METTL25: variants seen among roughly 807,000 people sequenced by gnomAD.
METTL25 encodes the protein probable methyltransferase-like protein 25.
Under a neutral mutation model 71.6 loss-of-function variants are expected in METTL25, and 64 were observed. That is an observed-to-expected ratio of 0.89 (90% CI 0.73 to 1.10). METTL25 has a LOEUF of 1.10. METTL25 is among the 50% of genes least tolerant of loss of function. The pLI is 0.00. For synonymous variants in METTL25, 287 were observed against 250.3 expected, an observed-to-expected ratio of 1.15 and a Z score of -1.38; for missense variants, 807 against 707.0, an observed-to-expected ratio of 1.14 and a Z score of -1.60.
chr12:82,423,088 A>G (rs1888670250), intron 5 of METTL25, among the ~76,000 whole-genome samples: 2 of 152,176 alleles, frequency 1.3e-5, no homozygotes. Context: ...TGCCAAGTCA[A>G]TCCTAAGCCA....
intron 1 of METTL25, among the ~76,000 whole-genome samples, chr12:82,362,475 G>A (rs1185351657): frequency 2.0e-5 from 3 of 152,170 alleles, no homozygotes; most frequent in Non-Finnish European, 2.9e-5. Flanking sequence ...TATCTTTCAC[G>A]TGAAGTGAAC....
intron 1 of METTL25, among the ~76,000 whole-genome samples, chr12:82,372,598 G>A (rs1385053271): frequency 6.6e-6 from 1 of 152,144 alleles, no homozygotes; most frequent in Non-Finnish European, 1.5e-5. Context: ...GCCCTCAGGT[G>A]GCCATTTTTC....
At chr12:82,415,374 T>A (rs961306174) in intron 5 of METTL25, among the ~76,000 whole-genome samples, 1 of 152,054 alleles carries the variant, frequency 6.6e-6, no homozygotes, top group African/African-American at 2.4e-5. Flanking sequence ...ATAAAGGAAT[T>A]AGCAGTGGAG....
chr12:82,358,810 C>G lies in METTL25; in HGVS notation c.245C>G (p.Ala82Gly). The G allele has an allele frequency of 6.2e-7, 1 of 1,611,888 alleles. No individual in the cohort carries two copies. The highest frequency in any genetic ancestry group is 2.2e-5 in the East Asian group (1 of 44,830). Reference sequence around the variant, plus strand: ...TCAGAGACGCGCCCCCTAGTGGAAGCAGAGTGGGAAGCAGGTGGGTGGTGG... The same window carrying G: ...TCAGAGACGCGCCCCCTAGTGGAAGGAGAGTGGGAAGCAGGTGGGTGGTGG... ...LPSETRPLVE[A>G]EWEAGMTDFP... is the part of the protein sequence containing the mutation. The change falls in exon 1 of 12, where the codon GCA becomes GGA. Residue 82 changes from alanine (A) to glycine (G), a missense_variant. By Grantham distance (60) the Ala-to-Gly change is moderately conservative. Transcript: ENST00000248306.
chr12:82,452,924 A>G (rs1321463311), intron 8 of METTL25, among the ~76,000 whole-genome samples: 2 of 152,184 alleles, frequency 1.3e-5, no homozygotes, highest in Non-Finnish European at 1.5e-5. Flanking sequence ...GAGGTTGTAT[A>G]AGGGTAGAGT....
intron 5 of METTL25, among the ~76,000 whole-genome samples, chr12:82,413,249 A>T (rs1463647536): frequency 1.3e-5 from 2 of 152,062 alleles, no homozygotes; most frequent in African/African-American, 2.4e-5. Flanking sequence ...ACATTGGGCC[A>T]TAAGTATCAA....
At chr12:82,420,921 T>C (rs1340371940) in intron 5 of METTL25, among the ~76,000 whole-genome samples, 1 of 152,024 alleles carries the variant, frequency 6.6e-6, no homozygotes, top group African/African-American at 2.4e-5. Context: ...AGTGGTACAA[T>C]CTCGGCTCAC....
At chr12:82,428,530 A>G (rs1889225341) in intron 5 of METTL25, among the ~76,000 whole-genome samples, 1 of 151,866 alleles carries the variant, frequency 6.6e-6, no homozygotes, top group South Asian at 2.1e-4. Flanking sequence ...TAAAACCCAA[A>G]CCAGTCTTTG....
intron 7 of METTL25, 117 bp from the exon 8 acceptor site, chr12:82,438,601 C>A: frequency 2.3e-6 from 1 of 427,294 alleles, no homozygotes; most frequent in Non-Finnish European, 3.9e-6. Context: ...ATTAAGTCAT[C>A]CTCTGTGTTT....
In METTL25 at chr12:82,406,195, C is replaced by T. The variant is rs184130056; in HGVS notation, c.1279+3065C>T. On this transcript the variant is annotated intron_variant, in intron 5 of 11. Transcript: ENST00000248306. ...TACAAAAATGAGATATCGTGTTCAC[C>T]CTTAAATAATTTCTTTAAAAAGCCC... Among the ~76,000 whole-genome samples, 10 of 152,172 alleles carry T rather than the reference C, an allele frequency of 6.6e-5. No homozygotes were observed. In the East Asian group the frequency reaches 1.9e-3, roughly 29 times the overall value.
At chr12:82,391,456 TG>T (rs529471893) in intron 3 of METTL25, among the ~76,000 whole-genome samples, 90 of 152,182 alleles carry the variant, frequency 5.9e-4, no homozygotes, top group African/African-American at 2.1e-3. Flanking sequence ...TTCTAGCCAA[TG>T]TGCAAAATTT....
At chr12:82,462,747 CAG>C (rs1455281347) in intron 9 of METTL25, among the ~76,000 whole-genome samples, 3 of 152,064 alleles carry the variant, frequency 2.0e-5, no homozygotes, top group African/African-American at 4.8e-5. Flanking sequence ...TTGCTATCCT[CAG>C]GGGATTGGTT....
At chr12:82,393,474 G>A (rs755462831) in intron 3 of METTL25, among the ~76,000 whole-genome samples, 14 of 151,858 alleles carry the variant, frequency 9.2e-5, no homozygotes, top group Admixed American at 3.3e-4. Context: ...TACTGATTTT[G>A]TATCCTGCAA....
intron 5 of METTL25, among the ~76,000 whole-genome samples, chr12:82,404,531 A>C (rs1227946045): frequency 3.3e-5 from 5 of 152,104 alleles, no homozygotes; most frequent in African/African-American, 4.8e-5. Context: ...GCAGTAGGGT[A>C]AGATTTATGT....
chr12:82,359,920 T>A (rs1881596272), intron 1 of METTL25, among the ~76,000 whole-genome samples: 1 of 152,248 alleles, frequency 6.6e-6, no homozygotes, highest in Non-Finnish European at 1.5e-5. Context: ...GTTGTTTTTT[T>A]AAGTAATTGT....
intron 5 of METTL25, among the ~76,000 whole-genome samples, chr12:82,426,557 C>T (rs1889033420): frequency 6.6e-6 from 1 of 152,028 alleles, no homozygotes; most frequent in African/African-American, 2.4e-5. Context: ...TGAGTACCCT[C>T]TGTCAGCCTT....
chr12:82,433,739 A>G (rs911885644), intron 6 of METTL25, among the ~76,000 whole-genome samples: 1 of 151,548 alleles, frequency 6.6e-6, no homozygotes, highest in African/African-American at 2.4e-5. Context: ...TTTTCATTTT[A>G]AAAGTGTGTG....
chr12:82,454,831 C>A (rs77867212), intron 8 of METTL25, among the ~76,000 whole-genome samples: 2,870 of 151,878 alleles, frequency 0.019, 87 homozygotes, highest in African/African-American at 0.066. Context: ...ATAATAAAAG[C>A]AAAATCTAGA....
rs369224682 is a variant in METTL25 at position 82,361,897 on chromosome 12, A to G, written c.259+3073A>G. On this transcript the variant is annotated intron_variant, in intron 1 of 11. Coordinates refer to ENST00000248306, the MANE Select transcript of METTL25 (RefSeq NM_032230.3). ...CAGTGGTGGGCTGAAGGACTCCTCA[A>G]GCGTGGCCAGAGTGGGCGCCAAGGC... Among the ~76,000 whole-genome samples, 23 of 152,320 alleles carry G rather than the reference A, an allele frequency of 1.5e-4. No individual in the cohort carries two copies. In the East Asian group the frequency reaches 2.1e-3, roughly 14 times the overall value.
Sources: gnomAD v4.1 joint callset for allele counts (sites outside exome capture counted in the v4.1 genomes callset) on GRCh38, gnomAD v4.1.1 for gene constraint, MANE v1.5 for transcripts, NCBI Gene and HGNC (gene_info 2026-07-23, HGNC 2026-07-21) for gene names.